The following LHFPL2 variants were observed in gnomAD, a reference collection of about 807,000 sequenced individuals.
LHFPL2 encodes the protein LHFPL tetraspan subfamily member 2.
LHFPL2 carries 7 observed loss-of-function variants against 17.5 expected under a neutral mutation model. That is an observed-to-expected ratio of 0.40 (90% CI 0.23 to 0.75). LHFPL2 has a LOEUF of 0.75. LHFPL2 is among the 30% of genes least tolerant of loss of function. LHFPL2 has a pLI of 0.37. For synonymous variants in LHFPL2, 134 were observed against 116.2 expected (o/e 1.15, Z -0.99); for missense variants, 241 against 294.8 (o/e 0.82, Z 1.34).
chr5:78,516,198 G>C (rs1755285677), intron 3 of LHFPL2, among the ~76,000 whole-genome samples: 1 of 152,054 alleles, frequency 6.6e-6, no homozygotes, highest in Admixed American at 6.6e-5. Context: ...CAGACATCTT[G>C]ATTATATTTA....
intron 3 of LHFPL2, among the ~76,000 whole-genome samples, chr5:78,559,822 C>G (rs938032301): frequency 6.6e-6 from 1 of 152,186 alleles, no homozygotes; most frequent in Non-Finnish European, 1.5e-5. Context: ...AGATCAGTAT[C>G]ATAACAATTA....
At chr5:78,494,331 G>A (rs1754539480) in intron 4 of LHFPL2, 1 of 983,002 alleles carries the variant, frequency 1.0e-6, no homozygotes, top group South Asian at 4.7e-5. Context: ...ACCATGGAAA[G>A]AAGCCATAGG....
chr5:78,580,836 T>C (rs1048328732), intron 2 of LHFPL2, among the ~76,000 whole-genome samples: 1 of 152,060 alleles, frequency 6.6e-6, no homozygotes, highest in African/African-American at 2.4e-5. Flanking sequence ...GCGGGCTCTT[T>C]TTTGGTTCCA....
At chr5:78,626,077 T>C (rs1745022361) in intron 2 of LHFPL2, 1 of 152,300 alleles carries the variant, frequency 6.6e-6, no homozygotes, top group South Asian at 2.1e-4. Context: ...CCCAGAGTTA[T>C]TAAACTAACC....
rs543673491 is a variant in LHFPL2 at position 78,607,804 on chromosome 5, C to G, written c.-245+24460G>C. Among the ~76,000 whole-genome samples, 10 of 152,220 alleles carry G rather than the reference C, an allele frequency of 6.6e-5. No homozygotes were observed. The South Asian group carries it at 2.1e-3, about 32-fold the overall frequency. Reference sequence around the variant, plus strand: ...GTGGTAGGTTTTTTTTCCCCTAAGCCGAAGGTACCTATGCATCTTGCTTGT... The same window carrying G: ...GTGGTAGGTTTTTTTTCCCCTAAGCGGAAGGTACCTATGCATCTTGCTTGT... On this transcript the variant is annotated intron_variant, in intron 2 of 4. Transcript: ENST00000380345.
chr5:78,632,492 G>A (rs1173996735), intron 1 of LHFPL2, 124 bp from the exon 2 acceptor site: 1 of 152,216 alleles, frequency 6.6e-6, no homozygotes, highest in Non-Finnish European at 1.5e-5. Context: ...AACAAGTCTA[G>A]TGTTACCTGG....
At chr5:78,636,557 C>A (rs1745455823) in intron 1 of LHFPL2, among the ~76,000 whole-genome samples, 1 of 152,202 alleles carries the variant, frequency 6.6e-6, no homozygotes. Flanking sequence ...TTCCAATTCA[C>A]CTGGATCAGA....
chr5:78,630,768 G>T (rs1745214180), intron 2 of LHFPL2, among the ~76,000 whole-genome samples: 1 of 152,188 alleles, frequency 6.6e-6, no homozygotes, highest in African/African-American at 2.4e-5. Context: ...ACCCAGGATG[G>T]CAACTGGAAG....
At chr5:78,608,889 G>A (rs1321118842) in intron 2 of LHFPL2, among the ~76,000 whole-genome samples, 7 of 149,068 alleles carry the variant, frequency 4.7e-5, no homozygotes, top group African/African-American at 1.7e-4. Flanking sequence ...CCAAGACTGA[G>A]CCACTGCACT....
At chr5:78,572,857 G>A (rs952876365) in intron 2 of LHFPL2, among the ~76,000 whole-genome samples, 2 of 152,118 alleles carry the variant, frequency 1.3e-5, no homozygotes, top group African/African-American at 4.8e-5. Flanking sequence ...GATGGTTTCG[G>A]GATGAAACTG....
intron 3 of LHFPL2, among the ~76,000 whole-genome samples, chr5:78,513,483 T>A (rs917921049): frequency 6.6e-6 from 1 of 152,234 alleles, no homozygotes; most frequent in African/African-American, 2.4e-5. Context: ...GTAAGTTTGC[T>A]AACTGCTACT....
intron 3 of LHFPL2, among the ~76,000 whole-genome samples, chr5:78,558,889 A>G (rs1756652711): frequency 6.6e-6 from 1 of 152,154 alleles, no homozygotes; most frequent in Non-Finnish European, 1.5e-5. Context: ...AAAAGAACTG[A>G]GCCACAACAT....
intron 2 of LHFPL2, among the ~76,000 whole-genome samples, chr5:78,621,977 T>C (rs1744872160): frequency 1.3e-5 from 2 of 152,084 alleles, no homozygotes; most frequent in Non-Finnish European, 2.9e-5. Context: ...GAGAAACACA[T>C]ACTCTCTAAG....
chr5:78,522,935 AG>A (rs1030871136), intron 3 of LHFPL2, among the ~76,000 whole-genome samples: 3 of 152,114 alleles, frequency 2.0e-5, no homozygotes, highest in African/African-American at 7.2e-5. Context: ...GTTGTAGCTG[AG>A]GGGGGAGAAA....
At chr5:78,542,799 G>A (rs111475644) in intron 3 of LHFPL2, among the ~76,000 whole-genome samples, 2,873 of 152,260 alleles carry the variant, frequency 0.019, 83 homozygotes, top group African/African-American at 0.066. Context: ...CATGCACCCT[G>A]AGGTCCAAAT....
chr5:78,512,280 G>A (rs1004579481), intron 3 of LHFPL2, among the ~76,000 whole-genome samples: 2 of 151,854 alleles, frequency 1.3e-5, no homozygotes, highest in African/African-American at 4.8e-5. Flanking sequence ...CAGCCTTCAA[G>A]GGCAGAGTCC....
At chr5:78,601,365 T>C (rs1453262956) in intron 2 of LHFPL2, among the ~76,000 whole-genome samples, 2 of 152,110 alleles carry the variant, frequency 1.3e-5, no homozygotes, top group African/African-American at 4.8e-5. Context: ...GAGCAGACAG[T>C]ACCAAGAATG....
intron 4 of LHFPL2, among the ~76,000 whole-genome samples, chr5:78,501,281 C>T (rs920638851): frequency 1.4e-4 from 21 of 152,142 alleles, no homozygotes; most frequent in Non-Finnish European, 3.1e-4. Context: ...AAATAAATGA[C>T]ATTTCTTTGA....
chr5:78,534,331 T>C (rs1383889934), intron 3 of LHFPL2, among the ~76,000 whole-genome samples: 1 of 151,628 alleles, frequency 6.6e-6, no homozygotes, highest in Non-Finnish European at 1.5e-5. Context: ...GAGGGAGAAA[T>C]GGCCGGGAGT....
Sources: allele counts gnomAD v4.1 joint callset (sites outside exome capture counted in the v4.1 genomes callset), GRCh38; gene constraint gnomAD v4.1.1; transcripts MANE v1.5; gene names NCBI Gene and HGNC (gene_info 2026-07-23, HGNC 2026-07-21).